DOCK2: variants seen among roughly 807,000 people sequenced by gnomAD.
DOCK2 encodes the protein dedicator of cytokinesis 2, also known as dedicator of cytokinesis protein 2.
DOCK2 carries 87 observed loss-of-function variants against 248.9 expected under a neutral mutation model. That is an observed-to-expected ratio of 0.35 (90% confidence interval 0.29 to 0.42). The LOEUF (loss-of-function observed/expected upper bound fraction) is 0.42. DOCK2 is among the 10% of genes least tolerant of loss of function. DOCK2 has a pLI of 1.00. For synonymous variants in DOCK2, 805 were observed against 821.6 expected (o/e 0.98, Z 0.35); for missense variants, 1,747 against 2,300.2 (o/e 0.76, Z 4.92).
chr5:169,932,849 A>G (rs889921227), intron 27 of DOCK2, among the ~76,000 whole-genome samples: 14 of 150,922 alleles, frequency 9.3e-5, no homozygotes, highest in South Asian at 4.2e-4. Context: ...TGATATCATA[A>G]TTTCCCAGGG....
chr5:169,654,656 A>G (rs1220629325), intron 2 of DOCK2, among the ~76,000 whole-genome samples, 170 bp downstream of exon 2: 2 of 152,256 alleles, frequency 1.3e-5, no homozygotes, highest in Non-Finnish European at 2.9e-5. Context: ...TTCTCATTTT[A>G]GGAATGTATG....
intron 2 of DOCK2, among the ~76,000 whole-genome samples, chr5:169,660,119 C>A (rs983162909): frequency 6.6e-6 from 1 of 152,142 alleles, no homozygotes; most frequent in African/African-American, 2.4e-5. Flanking sequence ...CCAGATGCCC[C>A]TGACATCTTT....
At chr5:169,800,553 A>T (rs918021088) in intron 25 of DOCK2, among the ~76,000 whole-genome samples, 1 of 152,168 alleles carries the variant, frequency 6.6e-6, no homozygotes, top group African/African-American at 2.4e-5. Flanking sequence ...TTAATTAAAA[A>T]CTGAGATTTG....
intron 26 of DOCK2, among the ~76,000 whole-genome samples, chr5:169,831,992 G>A (rs1237170641): frequency 6.6e-6 from 1 of 152,174 alleles, no homozygotes; most frequent in Non-Finnish European, 1.5e-5. Flanking sequence ...AGGGCCTAAA[G>A]CACCATTCCG....
At chr5:169,696,517 T>C (rs1760636818) in intron 10 of DOCK2, among the ~76,000 whole-genome samples, 1 of 152,248 alleles carries the variant, frequency 6.6e-6, no homozygotes, top group Non-Finnish European at 1.5e-5. Context: ...GACTACCACT[T>C]GTACTGTTAT....
At chr5:169,749,645 C>G (rs1379376715) in intron 23 of DOCK2, among the ~76,000 whole-genome samples, 1 of 152,174 alleles carries the variant, frequency 6.6e-6, no homozygotes, top group East Asian at 1.9e-4. Flanking sequence ...GGCTCAGATT[C>G]ATATCTGTTC....
chr5:170,081,626 C>A, intron 50 of DOCK2: 2 of 582,042 alleles, frequency 3.4e-6, no homozygotes, highest in Non-Finnish European at 5.9e-6. Context: ...GGAGGCTGAA[C>A]CCTTGTCTGT....
intron 44 of DOCK2, among the ~76,000 whole-genome samples, chr5:170,059,601 A>G (rs1757257150): frequency 6.6e-6 from 1 of 152,250 alleles, no homozygotes; most frequent in Non-Finnish European, 1.5e-5. Flanking sequence ...AATATTAAAT[A>G]TAACAGTAGA....
At chr5:169,704,903 T>TG (rs1430734234) in intron 14 of DOCK2, among the ~76,000 whole-genome samples, 9 of 152,152 alleles carry the variant, frequency 5.9e-5, no homozygotes, top group African/African-American at 2.2e-4. Flanking sequence ...GGCTCACACC[T>TG]GTAATCCCAG....
intron 1 of DOCK2, 111 bp downstream of exon 1, chr5:169,637,480 C>T: frequency 1.7e-6 from 2 of 1,198,300 alleles, no homozygotes; most frequent in Non-Finnish European, 2.1e-6. Flanking sequence ...GCGCTGCCTG[C>T]AGGTCAGAGG....
chr5:170,073,426 A>G (rs1307276900), intron 46 of DOCK2, among the ~76,000 whole-genome samples: 1 of 152,170 alleles, frequency 6.6e-6, no homozygotes, highest in African/African-American at 2.4e-5. Context: ...GCCTCTTCTA[A>G]GTCCTTTGTA....
At chr5:169,743,565 C>T (rs561043170) in intron 22 of DOCK2, among the ~76,000 whole-genome samples, 1 of 152,250 alleles carries the variant, frequency 6.6e-6, no homozygotes, top group South Asian at 2.1e-4. Context: ...TGTTTTTCAC[C>T]TCAAAATAAC....
chr5:169,730,527 A>G (rs1762714840), intron 22 of DOCK2, among the ~76,000 whole-genome samples: 1 of 152,216 alleles, frequency 6.6e-6, no homozygotes, highest in African/African-American at 2.4e-5. Context: ...AAACGCTTGT[A>G]TGGCAGGTAG....
At chr5:169,979,152 C>T (rs1407958580) in intron 27 of DOCK2, among the ~76,000 whole-genome samples, 2 of 152,142 alleles carry the variant, frequency 1.3e-5, no homozygotes, top group Non-Finnish European at 2.9e-5. Context: ...GGGGTCCCTC[C>T]ACCCCTCTGT....
intron 27 of DOCK2, among the ~76,000 whole-genome samples, chr5:169,861,566 A>G (rs1771199194): frequency 6.6e-6 from 1 of 152,212 alleles, no homozygotes; most frequent in African/African-American, 2.4e-5. Context: ...TGCTAAGTTA[A>G]TATCTCTCCA....
intron 27 of DOCK2, among the ~76,000 whole-genome samples, chr5:169,963,425 G>A (rs1777171310): frequency 6.6e-6 from 1 of 152,132 alleles, no homozygotes; most frequent in South Asian, 2.1e-4. Flanking sequence ...AGTCCCTGGG[G>A]ACCTATGCTT....
chr5:169,647,944 C>G (rs1021676925), intron 1 of DOCK2, among the ~76,000 whole-genome samples: 1 of 152,160 alleles, frequency 6.6e-6, no homozygotes, highest in Non-Finnish European at 1.5e-5. Flanking sequence ...CCCCACTTTT[C>G]TAGCTGCAGG....
At chr5:169,669,363 G>A (rs1388451943) in intron 3 of DOCK2, 35 bp downstream of exon 3, 4 of 1,612,992 alleles carry the variant, frequency 2.5e-6, no homozygotes, top group Non-Finnish European at 3.4e-6. Context: ...TGTCAGTACT[G>A]GAGGTCTTCA....
chr5:169,682,168 A>C (rs9313468), intron 7 of DOCK2, among the ~76,000 whole-genome samples: 3,577 of 152,380 alleles, frequency 0.023, 153 homozygotes, highest in African/African-American at 0.08. Context: ...TAAATAAATA[A>C]GTGAAAATAT....
Sources: allele counts gnomAD v4.1 joint callset (sites outside exome capture counted in the v4.1 genomes callset), GRCh38; gene constraint gnomAD v4.1.1; transcripts MANE v1.5; gene names NCBI Gene and HGNC (gene_info 2026-07-23, HGNC 2026-07-21).